Variants in KDR observed in about 807,000 individuals in gnomAD.
The protein encoded by KDR is vascular endothelial growth factor receptor 2.
In KDR, 43 loss-of-function variants were observed where a neutral mutation model predicts 160.9. The ratio of observed to expected loss-of-function variants is 0.27; its 90% CI spans 0.21 to 0.34. The LOEUF (loss-of-function observed/expected upper bound fraction) is 0.34. KDR is among the 10% of genes least tolerant of loss of function. The pLI is 1.00. For missense variants in KDR, 1,469 were observed against 1,666.4 expected, an observed-to-expected ratio of 0.88 and a Z score of 2.06; for synonymous variants, 617 against 600.1, an observed-to-expected ratio of 1.03 and a Z score of -0.41.
chr4:55,112,914 A>G (rs1720631759), intron 7 of KDR, among the ~76,000 whole-genome samples: 1 of 152,218 alleles, frequency 6.6e-6, no homozygotes. Flanking sequence ...TCACAGGTCA[A>G]CTGTATATTG....
intron 13 of KDR, among the ~76,000 whole-genome samples, chr4:55,103,125 T>C (rs555036839): frequency 2.0e-5 from 3 of 152,308 alleles, no homozygotes; most frequent in Middle Eastern, 3.4e-3. Flanking sequence ...ACCAGTTCAG[T>C]GCTATTTCCA....
At chr4:55,121,044 A>G in intron 2 of KDR, 53 bp downstream of exon 2, 1 of 1,239,182 alleles carries the variant, frequency 8.1e-7, no homozygotes. Flanking sequence ...TTTCCACTCA[A>G]TAAACAATCA....
rs1373791078 is a variant in KDR at position 55,121,105 on chromosome 4, A to G, written c.153T>C (p.Ile51=). 1.2e-6 allele frequency: 2 copies of G among 1,607,216 alleles called. No individual in the cohort carries two copies. Among genetic ancestry groups the G allele is most frequent in the East Asian group, 4.5e-5 (2 of 44,834 alleles). The part of the protein sequence containing the change: ...LTIKANTTLQ[I]TCRGQRDLDW... Reference sequence around the variant, plus strand: ...CTAGAATGAATCCTTACCTGCAAGTAATTTGAAGAGTTGTATTAGCCTTAA... The same window carrying G: ...CTAGAATGAATCCTTACCTGCAAGTGATTTGAAGAGTTGTATTAGCCTTAA... The change falls in exon 2 of 30, where the codon ATT becomes ATC. Residue 51 remains isoleucine (I), a synonymous_variant. Transcript: ENST00000263923.
intron 1 of KDR, among the ~76,000 whole-genome samples, chr4:55,122,410 A>C (rs1318646802): frequency 6.6e-6 from 1 of 152,140 alleles, no homozygotes; most frequent in African/African-American, 2.4e-5. Context: ...AGAAAAAATG[A>C]CTCCCTAGGC....
chr4:55,116,898 T>C (rs1720749911), intron 3 of KDR, among the ~76,000 whole-genome samples: 1 of 152,194 alleles, frequency 6.6e-6, no homozygotes, highest in African/African-American at 2.4e-5. Context: ...TCCTTTCCCA[T>C]TGTTTAACTT....
intron 4 of KDR, 64 bp from the exon 5 acceptor site, chr4:55,115,106 G>T: frequency 1.5e-6 from 2 of 1,373,310 alleles, no homozygotes; most frequent in South Asian, 1.2e-5. Flanking sequence ...CATGTACAAT[G>T]ATCACTGAAG....
intron 1 of KDR, among the ~76,000 whole-genome samples, chr4:55,121,525 T>TCC (rs1720873663): frequency 2.0e-5 from 3 of 152,236 alleles, no homozygotes; most frequent in African/African-American, 2.4e-5. Context: ...TCTCACTCCC[T>TCC]TGGGAAAGGA....
In KDR at chr4:55,092,606, A is replaced by C. The variant is rs1172927967; in HGVS notation, c.3069+11T>G. 6.3e-7 allele frequency: 1 copy of C among 1,592,108 alleles called. No homozygotes were observed. Among genetic ancestry groups the C allele is most frequent in the Non-Finnish European group, 8.6e-7 (1 of 1,160,202 alleles). Reference sequence around the variant, plus strand: ...TGAAAAGATAGCTGATTTCCCCTCAACCTTTCTTACCTTTCGCGATGCCAA... The same window carrying C: ...TGAAAAGATAGCTGATTTCCCCTCACCCTTTCTTACCTTTCGCGATGCCAA... On this transcript the variant is annotated intron_variant, in intron 22 of 29. Coordinates refer to ENST00000263923, the MANE Select transcript of KDR (RefSeq NM_002253.4).
At chr4:55,114,385 G>A in intron 5 of KDR, 120 bp from the exon 6 acceptor site, 1 of 1,053,962 alleles carries the variant, frequency 9.5e-7, no homozygotes, top group Non-Finnish European at 1.4e-6. Flanking sequence ...TTCCCTGCAG[G>A]CCTCACCAAT....
At chr4:55,115,688 C>T (rs145926189) in intron 3 of KDR, among the ~76,000 whole-genome samples, 67 of 152,138 alleles carry the variant, frequency 4.4e-4, no homozygotes, top group African/African-American at 1.5e-3. Flanking sequence ...TGACTCCTTT[C>T]ACAAGGTTTA....
At chr4:55,118,405 A>C (rs1720785255) in intron 3 of KDR, among the ~76,000 whole-genome samples, 199 bp downstream of exon 3, 1 of 152,224 alleles carries the variant, frequency 6.6e-6, no homozygotes, top group African/African-American at 2.4e-5. Context: ...CTGGGCAAAA[A>C]AGAGGTAACA....
chr4:55,110,381 G>A, intron 9 of KDR, 22 bp downstream of exon 9: 1 of 1,611,754 alleles, frequency 6.2e-7, no homozygotes, highest in South Asian at 1.1e-5. Flanking sequence ...CTTGGGCAGA[G>A]AGGAAAATTG....
intron 13 of KDR, among the ~76,000 whole-genome samples, chr4:55,103,979 A>G (rs1720375584): frequency 6.6e-6 from 1 of 152,068 alleles, no homozygotes; most frequent in South Asian, 2.1e-4. Flanking sequence ...GAATTTACAG[A>G]GCTATCTGCT....
At chr4:55,087,575 T>TC (rs755585942) in intron 27 of KDR, 32 bp downstream of exon 27, 107 of 1,609,472 alleles carry the variant, frequency 6.6e-5, no homozygotes, top group Middle Eastern at 1.7e-4. Context: ...GAAGTCACCC[T>TC]CCCCCGGGGG....
At chr4:55,106,458 T>G in intron 11 of KDR, among the ~76,000 whole-genome samples, 1 of 152,354 alleles carries the variant, frequency 6.6e-6, no homozygotes, top group Non-Finnish European at 1.5e-5. Flanking sequence ...AGAATCACCC[T>G]ACACAGATGC....
chr4:55,106,570 G>C (rs368562658), intron 11 of KDR, 117 bp downstream of exon 11: 4 of 800,324 alleles, frequency 5.0e-6, no homozygotes, highest in South Asian at 2.9e-5. Context: ...GACTTAATAC[G>C]CTCTATTTAA....
At chr4:55,106,651 G>C in intron 11 of KDR, 36 bp downstream of exon 11, 1 of 1,424,600 alleles carries the variant, frequency 7.0e-7, no homozygotes, top group Non-Finnish European at 9.9e-7. Context: ...CCATTAAAGA[G>C]AGAGAGATTT....
At chr4:55,092,055 C>T (rs1330512042) in intron 22 of KDR, among the ~76,000 whole-genome samples, 1 of 152,174 alleles carries the variant, frequency 6.6e-6, no homozygotes, top group African/African-American at 2.4e-5. Flanking sequence ...AAATGATTCT[C>T]ATGCCAAGAT....
Position 55,125,266 on chromosome 4 carries a change from C to T in KDR, c.28G>A (p.Ala10Thr), listed in dbSNP as rs375186728. 6.2e-7 allele frequency: 1 copy of T among 1,612,844 alleles called. No homozygotes were observed. ...CGGGTCTCCACGCAGAGCCACAGGG[C>T]GACGGCCAGCAGCACCTTGCTCTGC... is the stretch of plus-strand genomic sequence containing the variant. The part of the protein sequence containing the change: MQSKVLLAV[A>T]LWLCVETRAA... Residue 10 changes from alanine (A) to threonine (T), a missense_variant, in exon 1 of 30, where the codon GCC becomes ACC. Around this residue, in one of 7 missense-constraint regions of KDR, gnomAD observed 792 missense variants for 840.9 expected, o/e 0.94. Coordinates refer to ENST00000263923, the MANE Select transcript of KDR (RefSeq NM_002253.4).
Sources: gnomAD v4.1 joint callset for allele counts (sites outside exome capture counted in the v4.1 genomes callset) on GRCh38, gnomAD v4.1.1 for gene constraint, gnomAD v4.1.1 regional missense constraint, MANE v1.5 for transcripts, NCBI Gene and HGNC (gene_info 2026-07-23, HGNC 2026-07-21) for gene names.